Variants in COL4A4 observed in about 807,000 individuals in gnomAD.
COL4A4 encodes the protein collagen type IV alpha 4 chain, also known as collagen alpha-4(IV) chain.
Under a neutral mutation model 192.9 loss-of-function variants are expected in COL4A4, and 105 were observed. The observed-to-expected ratio is 0.54, with a 90% CI of 0.46 to 0.64. COL4A4 has a LOEUF of 0.64. COL4A4 is among the 30% of genes least tolerant of loss of function. The probability of loss-of-function intolerance (pLI) is 0.00; values close to 1 mark genes in which losing one functional copy is unlikely to be tolerated. For synonymous variants in COL4A4, 762 were observed against 769.9 expected, an observed-to-expected ratio of 0.99 and a Z score of 0.17; for missense variants, 1,967 against 2,169.3, an observed-to-expected ratio of 0.91 and a Z score of 1.85.
At chr2:227,078,128 C>G in intron 24 of COL4A4, 51 bp from the exon 25 acceptor site, 1 of 1,587,766 alleles carries the variant, frequency 6.3e-7, no homozygotes, top group Non-Finnish European at 8.6e-7. Flanking sequence ...TGTCCATGAA[C>G]TCAAAGCAGT....
chr2:227,143,758 G>T (rs1017813413), intron 3 of COL4A4, among the ~76,000 whole-genome samples: 3 of 152,064 alleles, frequency 2.0e-5, no homozygotes, highest in Non-Finnish European at 4.4e-5. Flanking sequence ...CAACAAAGTC[G>T]GGCAAGTCTT....
intron 21 of COL4A4, among the ~76,000 whole-genome samples, chr2:227,089,536 C>G (rs1355757495): frequency 6.8e-6 from 1 of 146,860 alleles, no homozygotes; most frequent in Non-Finnish European, 1.5e-5. Context: ...TCAAGAGGAC[C>G]TTGTGAGCAA....
chr2:227,060,122 A>C lies in COL4A4; in HGVS notation c.2164+14T>G, dbSNP rs1976581822. On this transcript the variant is annotated intron_variant, in intron 27 of 47. Transcript: ENST00000396625. ...AGCAGAAAAAAAAAAAAAAAAAAAA[A>C]AAACCTCACTGACCAGGTGGACCTG... The C allele has an allele frequency of 2.8e-6, 4 of 1,423,918 alleles. No individual in the cohort carries two copies. Among genetic ancestry groups the C allele is most frequent in the Non-Finnish European group, 3.9e-6 (4 of 1,036,528 alleles). 88.2% of individuals were successfully genotyped at this position (1,423,918 alleles called of 1,614,324 possible).
At chr2:227,155,774 C>T (rs2064289740) in intron 1 of COL4A4, among the ~76,000 whole-genome samples, 1 of 152,138 alleles carries the variant, frequency 6.6e-6, no homozygotes. Context: ...ATTGCTATCT[C>T]TGTGCTCATG....
chr2:227,109,068 A>G (rs2061023805), intron 10 of COL4A4, 156 bp downstream of exon 10: 2 of 894,752 alleles, frequency 2.2e-6, no homozygotes, highest in Admixed American at 3.4e-5. Flanking sequence ...GTGCTTCAAG[A>G]TGGAGTCCCA....
intron 4 of COL4A4, among the ~76,000 whole-genome samples, chr2:227,133,214 A>G (rs1045643140): frequency 6.6e-6 from 1 of 152,226 alleles, no homozygotes; most frequent in Non-Finnish European, 1.5e-5. Context: ...CAAATCACTG[A>G]CAAGTTAATG....
At chr2:226,971,420 A>G in the COL4A4 span, among the ~76,000 whole-genome samples, 1 of 152,226 alleles carries the variant, frequency 6.6e-6, no homozygotes, top group Non-Finnish European at 1.5e-5. Context: ...GGGCATCTTC[A>G]AGCTGTGTAT....
At chr2:227,098,639 T>C in intron 19 of COL4A4, 55 bp downstream of exon 19, 1 of 1,333,052 alleles carries the variant, frequency 7.5e-7, no homozygotes. Flanking sequence ...CTGGTGCTGA[T>C]GATGATGCAG....
Position 227,051,065 on chromosome 2 carries a change from C to T in COL4A4, c.3062G>A (p.Gly1021Asp). Residue 1021 changes from glycine (G) to aspartate (D), a missense_variant, in exon 33 of 48, where the codon GGT (glycine) becomes GAT (aspartate). Transcript: ENST00000396625. ...TGGGGGTCCAGGAGGCCCTGGCTGA[C>T]CTTTCTCACCAGGTTCCCCTCTGTG... ...GFHRGEPGEK[G>D]QPGPPGPPGP... 1 of 1,614,188 alleles carries T rather than the reference C, an allele frequency of 6.2e-7. No homozygotes were observed. Among genetic ancestry groups the T allele is most frequent in the South Asian group, 1.1e-5 (1 of 91,084 alleles).
At chr2:227,141,173 A>C (rs1385198050) in intron 3 of COL4A4, among the ~76,000 whole-genome samples, 5 of 152,156 alleles carry the variant, frequency 3.3e-5, no homozygotes, top group Non-Finnish European at 7.3e-5. Context: ...AGGTGCTAGG[A>C]CCCAAGGGCA....
chr2:227,106,035 CA>C (rs1272982162), intron 12 of COL4A4, among the ~76,000 whole-genome samples: 2 of 122,274 alleles, frequency 1.6e-5, no homozygotes, highest in African/African-American at 6.5e-5. Context: ...AGAAGAATAT[CA>C]AGTTTAAATA....
intron 4 of COL4A4, among the ~76,000 whole-genome samples, chr2:227,132,541 C>T (rs1417981970): frequency 6.6e-6 from 1 of 152,050 alleles, no homozygotes; most frequent in African/African-American, 2.4e-5. Flanking sequence ...TTTGGGAGGC[C>T]GAGATGGGCA....
At chr2:227,054,795 C>G (rs1974932332) in intron 30 of COL4A4, 58 bp from the exon 31 acceptor site, 1 of 1,536,986 alleles carries the variant, frequency 6.5e-7, no homozygotes, top group Non-Finnish European at 8.8e-7. Flanking sequence ...TTTATTTTTT[C>G]AGGGGTGGGA....
In COL4A4 at chr2:227,030,513, A is replaced by G. The variant is rs1463148305; in HGVS notation, c.3903T>C (p.Gly1301=). The G allele has an allele frequency of 6.2e-7, 1 of 1,614,022 alleles. No individual in the cohort carries two copies. The highest frequency in any genetic ancestry group is 8.5e-7 in the Non-Finnish European group (1 of 1,179,918). ...CTGGAGGGCCTGGTGGGCCAGGGGGACCTGGTGGCCCTGGTAGACCACAGT... is the reference window on the plus strand; with the variant it reads ...CTGGAGGGCCTGGTGGGCCAGGGGGGCCTGGTGGCCCTGGTAGACCACAGT... ...PGDCGLPGPP[G]PPGPPGPPGY... Residue 1301 remains glycine, a synonymous_variant, in exon 41 of 48, where the codon GGT becomes GGC. Transcript: ENST00000396625.
At chr2:227,060,401 T>A (rs1243047202) in intron 26 of COL4A4, among the ~76,000 whole-genome samples, 158 bp from the exon 27 acceptor site, 1 of 152,250 alleles carries the variant, frequency 6.6e-6, no homozygotes, top group Non-Finnish European at 1.5e-5. Context: ...AAATATATTG[T>A]AAGTCATATG....
chr2:227,068,572 T>C (rs2058501051), intron 25 of COL4A4, among the ~76,000 whole-genome samples: 1 of 152,130 alleles, frequency 6.6e-6, no homozygotes, highest in Non-Finnish European at 1.5e-5. Context: ...TATACGCGAA[T>C]CAATAAATGT....
chr2:227,142,066 A>G (rs778857862), intron 3 of COL4A4, among the ~76,000 whole-genome samples: 13 of 128,980 alleles, frequency 1.0e-4, no homozygotes, highest in Non-Finnish European at 1.9e-4. Context: ...ATGTTTCAGG[A>G]AAGAATCACT....
rs375189390 is a variant in COL4A4 at position 227,008,126 on chromosome 2, C to A, written c.4701G>T (p.Ala1567=). The A allele has an allele frequency of 2.5e-6, 4 of 1,613,984 alleles. No individual in the cohort carries two copies. The highest frequency in any genetic ancestry group is 3.3e-5 in the Admixed American group (2 of 60,014). The change falls in exon 47 of 48, where the codon GCG becomes GCT. Residue 1567 remains alanine, a synonymous_variant. Transcript: ENST00000396625. ...EAIRPYVSRC[A]VCEAPAQAVA... is the part of the protein sequence containing the mutation. ...CCGCCTGGGCCGGGGCCTCGCATAC[C>A]GCACAGCGGCTGACATAGGGGCGGA...
chr2:227,022,444 G>A, intron 43 of COL4A4: 1 of 666,834 alleles, frequency 1.5e-6, no homozygotes, highest in Non-Finnish European at 2.9e-6. Context: ...GGATGCAGAA[G>A]TATGAAACAG....
Sources: gnomAD v4.1 joint callset for allele counts (sites outside exome capture counted in the v4.1 genomes callset) on GRCh38, gnomAD v4.1.1 for gene constraint, MANE v1.5 for transcripts, NCBI Gene and HGNC (gene_info 2026-07-23, HGNC 2026-07-21) for gene names.